The following RIMS1 variants were observed in gnomAD, a reference collection of about 807,000 sequenced individuals.
RIMS1 encodes regulating synaptic membrane exocytosis 1, also known as regulating synaptic membrane exocytosis protein 1.
Under a neutral mutation model 214.1 loss-of-function variants are expected in RIMS1, and 83 were observed. The observed-to-expected ratio is 0.39, with a 90% CI of 0.32 to 0.47. The LOEUF (loss-of-function observed/expected upper bound fraction) is 0.47, where lower values mean the gene tolerates loss of function less well. RIMS1 is among the 20% of genes least tolerant of loss of function. The probability of loss-of-function intolerance (pLI) is 0.99; values close to 1 mark genes in which losing one functional copy is unlikely to be tolerated. For synonymous variants in RIMS1, 793 were observed against 786.8 expected (o/e 1.01, Z -0.13); for missense variants, 2,050 against 2,161.8 (o/e 0.95, Z 1.03).
chr6:72,401,530 T>C lies in RIMS1; in HGVS notation c.*816T>C, dbSNP rs548448274. On this transcript the variant is annotated 3_prime_UTR_variant, in exon 34 of 34. Transcript: ENST00000521978. ...GAAAATTAATTTATGGTTTCCATTG[T>C]TTTGCATGGAAGACTTTTAAAGAAG... The C allele has an allele frequency of 6.5e-6, 1 of 152,790 alleles. No individual in the cohort carries two copies. Among genetic ancestry groups the C allele is most frequent in the African/African-American group, 2.4e-5 (1 of 41,598 alleles). 9.5% of individuals were successfully genotyped at this position (152,790 alleles called of 1,614,324 possible).
intron 1 of RIMS1, among the ~76,000 whole-genome samples, chr6:71,896,760 CT>C: frequency 6.6e-6 from 1 of 152,104 alleles, no homozygotes. Flanking sequence ...ATTCCATATC[CT>C]TTTGATTTGC....
At chr6:72,167,171 T>G (rs1333247566) in intron 4 of RIMS1, among the ~76,000 whole-genome samples, 1 of 151,812 alleles carries the variant, frequency 6.6e-6, no homozygotes, top group Non-Finnish European at 1.5e-5. Flanking sequence ...TACTTTTTCT[T>G]AAATATATAT....
intron 2 of RIMS1, among the ~76,000 whole-genome samples, chr6:72,064,653 TA>T (rs1828822132): frequency 6.6e-6 from 1 of 151,572 alleles, no homozygotes; most frequent in South Asian, 2.1e-4. Context: ...ATCTGGCAAA[TA>T]AAAGAGCTAG....
At chr6:72,296,927 A>G (rs2094148046) in intron 26 of RIMS1, among the ~76,000 whole-genome samples, 1 of 151,810 alleles carries the variant, frequency 6.6e-6, no homozygotes, top group African/African-American at 2.4e-5. Flanking sequence ...CTTTTCCTCT[A>G]CATGTTGGTG....
At chr6:72,020,075 CAG>C (rs1293611140) in intron 2 of RIMS1, among the ~76,000 whole-genome samples, 1 of 152,186 alleles carries the variant, frequency 6.6e-6, no homozygotes, top group African/African-American at 2.4e-5. Flanking sequence ...CTCAACTTCT[CAG>C]AGTGTTTTCT....
chr6:72,017,693 T>C (rs1813229312), intron 2 of RIMS1, among the ~76,000 whole-genome samples: 2 of 152,202 alleles, frequency 1.3e-5, no homozygotes, highest in Non-Finnish European at 2.9e-5. Flanking sequence ...ATAGATGCAG[T>C]TTAATTTTCA....
At chr6:72,175,162 C>T (rs2047529443) in intron 4 of RIMS1, among the ~76,000 whole-genome samples, 1 of 152,132 alleles carries the variant, frequency 6.6e-6, no homozygotes, top group Admixed American at 6.5e-5. Flanking sequence ...AATTGACTAT[C>T]TCGTCTTCTT....
At chr6:72,200,860 TG>T (rs2051854726) in intron 6 of RIMS1, among the ~76,000 whole-genome samples, 2 of 16,426 alleles carry the variant, frequency 1.2e-4, no homozygotes, top group African/African-American at 2.9e-4. Context: ...GACACAATTG[TG>T]TGTGTGTGTG....
intron 2 of RIMS1, among the ~76,000 whole-genome samples, chr6:72,015,058 T>C (rs1307825363): frequency 6.6e-6 from 1 of 152,222 alleles, no homozygotes; most frequent in East Asian, 1.9e-4. Flanking sequence ...TTTTTTTTTA[T>C]TTTGGAATAT....
At position 71,905,233 on chromosome 6, in the gene RIMS1, T is replaced by G. The variant is rs1203280144; in HGVS notation, c.164+18046T>G. Reference sequence around the variant, plus strand: ...ACATTTTAGAAGATCTATTCCATAATTTAGTCCAAATATCTCCACTAAATT... The same window carrying G: ...ACATTTTAGAAGATCTATTCCATAAGTTAGTCCAAATATCTCCACTAAATT... On this transcript the variant is annotated intron_variant, in intron 1 of 33. Coordinates refer to ENST00000521978, the MANE Select transcript of RIMS1 (RefSeq NM_014989.7). Among the ~76,000 whole-genome samples, 4 of 152,122 alleles carry G rather than the reference T, an allele frequency of 2.6e-5. No homozygotes were observed. In the East Asian group the frequency reaches 7.7e-4, roughly 29 times the overall value.
intron 23 of RIMS1, among the ~76,000 whole-genome samples, chr6:72,282,430 A>G (rs2090578885): frequency 6.6e-6 from 1 of 152,050 alleles, no homozygotes; most frequent in Non-Finnish European, 1.5e-5. Flanking sequence ...CCACAGAAGC[A>G]ATAAAGTAAA....
At position 72,213,336 on chromosome 6, in the gene RIMS1, G is replaced by A. The variant is rs529970202; in HGVS notation, c.1679-20437G>A. 1.3e-4 allele frequency: 122 copies of A among 952,812 alleles called. No individual in the cohort carries two copies. In the East Asian group the frequency reaches 3.1e-3, roughly 25 times the overall value. The allele number at this position is 952,812 out of a possible 1,614,324, so 59.0% of individuals were successfully genotyped here. Reference sequence around the variant, plus strand: ...GTCAAAATATTTCTATTCTCTGTGTGTCAGGTGCACAGTGTTCTTAATTGA... The same window carrying A: ...GTCAAAATATTTCTATTCTCTGTGTATCAGGTGCACAGTGTTCTTAATTGA... On this transcript the variant is annotated intron_variant, in intron 6 of 33. Transcript: ENST00000521978.
At chr6:72,091,959 T>C (rs962271176) in intron 2 of RIMS1, among the ~76,000 whole-genome samples, 6 of 152,220 alleles carry the variant, frequency 3.9e-5, no homozygotes, top group South Asian at 2.1e-4. Context: ...TAATAAAATA[T>C]GTATTTCCAT....
intron 23 of RIMS1, among the ~76,000 whole-genome samples, chr6:72,277,782 AT>A (rs1324065880): frequency 6.6e-6 from 1 of 152,170 alleles, no homozygotes; most frequent in East Asian, 1.9e-4. Context: ...AAATAACACT[AT>A]TTTAATACAT....
At position 72,292,243 on chromosome 6, in the gene RIMS1, T is replaced by A. The variant is rs184599454; in HGVS notation, c.3850+197T>A. Among the ~76,000 whole-genome samples, 466 of 152,214 alleles carry A rather than the reference T, an allele frequency of 3.1e-3. 1 individual carries two copies. The highest frequency in any genetic ancestry group is 6.8e-3 in the Middle Eastern group (2 of 294). ...ATGCACTCAGTTTTTGCTGAGTGAG[T>A]TTTGCTGGATGATTGAATTTTAGAT... On this transcript the variant is annotated intron_variant, in intron 26 of 33. Coordinates refer to ENST00000521978, the MANE Select transcript of RIMS1 (RefSeq NM_014989.7).
At chr6:72,248,586 C>T (rs980775160) in intron 12 of RIMS1, among the ~76,000 whole-genome samples, 1 of 152,116 alleles carries the variant, frequency 6.6e-6, no homozygotes, top group Non-Finnish European at 1.5e-5. Context: ...AAAAAGCTAC[C>T]ATTTTCTCAC....
intron 1 of RIMS1, among the ~76,000 whole-genome samples, chr6:71,938,640 G>A (rs1785160819): frequency 6.6e-6 from 1 of 152,168 alleles, no homozygotes; most frequent in Non-Finnish European, 1.5e-5. Context: ...GCAGAAACCT[G>A]AGGTGGCTCT....
rs185163502 is a variant in RIMS1, at chr6:71,930,392, A to G, written c.165-38591A>G. ...TTATTATAATAAAACCTGAAATTCA[A>G]TAAAACTTGGTATCATTTTTGTTAT... On this transcript the variant is annotated intron_variant, in intron 1 of 33. Coordinates refer to ENST00000521978, the MANE Select transcript of RIMS1 (RefSeq NM_014989.7). Among the ~76,000 whole-genome samples the G allele has an allele frequency of 3.1e-3, 479 of 152,194 alleles. 5 individuals are homozygous for G. In the South Asian group the frequency reaches 0.038, roughly 12 times the overall value.
chr6:72,159,196 C>A lies in RIMS1; in HGVS notation c.472-20379C>A, dbSNP rs2044909255. Among the ~76,000 whole-genome samples, 3 of 141,162 alleles carry A rather than the reference C, an allele frequency of 2.1e-5. 1 individual carries two copies. Among genetic ancestry groups the A allele is most frequent in the Non-Finnish European group, 4.8e-5 (3 of 62,120 alleles). 92.6% of individuals were successfully genotyped at this position (141,162 alleles called of 152,430 possible). A position where few individuals can be genotyped will look rare whatever the true frequency, so the allele number is the denominator to read the frequency against. On this transcript the variant is annotated intron_variant, in intron 4 of 33. Coordinates refer to ENST00000521978, the MANE Select transcript of RIMS1 (RefSeq NM_014989.7). ...TGTCTTTTGGCTGCATAAATGTCTT[C>A]TTTTGAGAAGTGTCTGTTCATATCT...
Sources: gnomAD v4.1 joint callset for allele counts (sites outside exome capture counted in the v4.1 genomes callset) on GRCh38, gnomAD v4.1.1 for gene constraint, MANE v1.5 for transcripts, NCBI Gene and HGNC (gene_info 2026-07-23, HGNC 2026-07-21) for gene names.